ERICH6: variants seen among roughly 807,000 people sequenced by gnomAD.
ERICH6 encodes the protein glutamate-rich protein 6.
A neutral mutation model predicts 71.0 loss-of-function variants in ERICH6; 71 were observed. The ratio of observed to expected loss-of-function variants is 1.00; its 90% CI spans 0.83 to 1.22. The LOEUF (loss-of-function observed/expected upper bound fraction) is 1.22. ERICH6 is among the 50% of genes most tolerant of loss of function. The pLI, the probability that ERICH6 is intolerant of heterozygous loss-of-function variation, is 0.00. For missense variants in ERICH6, 808 were observed against 797.2 expected (o/e 1.01, Z -0.16); for synonymous variants, 262 against 278.4 (o/e 0.94, Z 0.59).
At chr3:150,693,431 G>A (rs191102292) in intron 3 of ERICH6, among the ~76,000 whole-genome samples, 128 of 152,254 alleles carry the variant, frequency 8.4e-4, no homozygotes, top group Admixed American at 1.4e-3. Flanking sequence ...AGTAAAGAAT[G>A]TCACTTTCTG....
At chr3:150,692,358 T>C (rs1036615777) in intron 3 of ERICH6, among the ~76,000 whole-genome samples, 2 of 152,278 alleles carry the variant, frequency 1.3e-5, no homozygotes, top group East Asian at 3.9e-4. Context: ...TTTGGTTAAA[T>C]GAAATGACTT....
chr3:150,685,061 C>G (rs1236670121), intron 6 of ERICH6, among the ~76,000 whole-genome samples: 2 of 152,064 alleles, frequency 1.3e-5, no homozygotes, highest in East Asian at 1.9e-4. Flanking sequence ...CTCTGTCACC[C>G]AGGCTGCTCT....
intron 13 of ERICH6, among the ~76,000 whole-genome samples, chr3:150,665,491 T>A (rs1203934037): frequency 1.7e-5 from 2 of 115,684 alleles, no homozygotes; most frequent in Non-Finnish European, 3.2e-5. Context: ...CACTCCAGCC[T>A]GGCGACGGAG....
rs1713044514 is a variant in ERICH6, at chr3:150,703,740, C to CTCCTCCTCTTCCTCCACCTCT, written c.158_159insAGAGGTGGAGGAAGAGGAGGA (p.Glu49_Val55dup). The CTCCTCCTCTTCCTCCACCTCT allele has an allele frequency of 7.4e-7, 1 of 1,354,430 alleles. No homozygotes were observed. The highest frequency in any genetic ancestry group is 9.9e-7 in the Non-Finnish European group (1 of 1,009,408). 83.9% of individuals were successfully genotyped at this position (1,354,430 alleles called of 1,614,324 possible). A position where few individuals can be genotyped will look rare whatever the true frequency, so the allele number is the denominator to read the frequency against. On this transcript the variant is annotated inframe_insertion, in exon 1 of 14. Transcript: ENST00000295910. ...CCACCAACTCCTCCTCCACCACCTC[C>CTCCTCCTCTTCCTCCACCTCT]TCCTCCTCCTCCTCCACCTCTTCCT... is the stretch of plus-strand genomic sequence containing the variant.
chr3:150,663,531 G>A (rs2108036576), intron 13 of ERICH6, among the ~76,000 whole-genome samples: 1 of 143,800 alleles, frequency 7.0e-6, no homozygotes, highest in East Asian at 2.2e-4. Context: ...CACGGCTCAT[G>A]CAGCCTTGAA....
At chr3:150,681,388 T>C (rs1044131288) in intron 7 of ERICH6, among the ~76,000 whole-genome samples, 9 of 152,254 alleles carry the variant, frequency 5.9e-5, no homozygotes, top group African/African-American at 2.2e-4. Context: ...CATTTCTTTT[T>C]ATGGCTGAAT....
chr3:150,667,893 C>A (rs990370844), intron 12 of ERICH6, among the ~76,000 whole-genome samples: 1 of 152,072 alleles, frequency 6.6e-6, no homozygotes, highest in Non-Finnish European at 1.5e-5. Context: ...CTGTATATAA[C>A]TTAAAGGAAA....
chr3:150,680,314 C>T (rs1711851925), intron 9 of ERICH6, among the ~76,000 whole-genome samples, 154 bp downstream of exon 9: 1 of 152,162 alleles, frequency 6.6e-6, no homozygotes, highest in Non-Finnish European at 1.5e-5. Context: ...GCGATTCTCC[C>T]ACCTTGGCTT....
chr3:150,698,925 GT>G, intron 2 of ERICH6, 43 bp from the exon 3 acceptor site: 1 of 1,255,060 alleles, frequency 8.0e-7, no homozygotes, highest in Non-Finnish European at 1.2e-6. Context: ...CTATATAGTT[GT>G]TAGCAGGTCT....
chr3:150,669,237 A>C, intron 12 of ERICH6, 59 bp downstream of exon 12: 1 of 1,518,362 alleles, frequency 6.6e-7, no homozygotes, highest in Non-Finnish European at 8.8e-7. Context: ...AAAAAGAAAA[A>C]ACAAAATTTC....
At position 150,660,119 on chromosome 3, in the gene ERICH6, C is replaced by G. The variant is rs757432539; in HGVS notation, c.1765G>C (p.Val589Leu). The change falls in exon 14 of 14, where the codon GTA (valine) becomes CTA (leucine). Residue 589 changes from valine to leucine, a missense_variant. Val to Leu is a conservative substitution (Grantham distance 32). Coordinates refer to ENST00000295910, the MANE Select transcript of ERICH6 (RefSeq NM_152394.5). ...AGCAGAAGAAGGTCATCTCCACTTA[C>G]GTATCGGAGGATTGGAATCTCCTCA... ...NPEEIPILRY[V>L]SGDDLLLLAS... 5.6e-6 allele frequency: 9 copies of G among 1,613,828 alleles called. No homozygotes were observed. The highest frequency in any genetic ancestry group is 2.7e-5 in the African/African-American group (2 of 74,864).
rs1047220862 is a variant in ERICH6 at position 150,688,912 on chromosome 3, G to A, written c.554-2558C>T. On this transcript the variant is annotated intron_variant, in intron 3 of 13. Coordinates refer to ENST00000295910, the MANE Select transcript of ERICH6 (RefSeq NM_152394.5). ...TGTCACCAGGACCTCCTGAGGCTGTGTCACAGGTGCGCATCCTCAACCTTG... is the reference window on the plus strand; with the variant it reads ...TGTCACCAGGACCTCCTGAGGCTGTATCACAGGTGCGCATCCTCAACCTTG... Among the ~76,000 whole-genome samples the A allele has an allele frequency of 2.6e-5, 4 of 152,216 alleles. No individual in the cohort carries two copies. In the East Asian group the frequency reaches 7.7e-4, roughly 29 times the overall value.
chr3:150,680,984 G>A, intron 7 of ERICH6, 54 bp from the exon 8 acceptor site: 1 of 1,500,532 alleles, frequency 6.7e-7, no homozygotes, highest in Non-Finnish European at 8.9e-7. Context: ...AGGAGGATTA[G>A]AGGGGATAAA....
rs547307384 is a variant in ERICH6 at position 150,671,673 on chromosome 3, T to C, written c.1344-2222A>G. Among the ~76,000 whole-genome samples, 119 of 152,314 alleles carry C rather than the reference T, an allele frequency of 7.8e-4. 1 individual carries two copies. The South Asian group carries it at 0.022, about 29-fold the overall frequency. On this transcript the variant is annotated intron_variant, in intron 11 of 13. Coordinates refer to ENST00000295910, the MANE Select transcript of ERICH6 (RefSeq NM_152394.5). ...ATAGGGTCTTGCTGTGTTGCCCAGG[T>C]CAGAGTGCAATGGCACGATCACAGC...
Position 150,666,894 on chromosome 3 carries a change from C to T in ERICH6, c.1621G>A (p.Ala541Thr), listed in dbSNP as rs748598903. The T allele has an allele frequency of 6.2e-7, 1 of 1,614,010 alleles. No individual in the cohort carries two copies. The highest frequency in any genetic ancestry group is 8.5e-7 in the Non-Finnish European group (1 of 1,180,008). ...CGGACTCCAATATAACGGTTCAAAG[C>T]CAGAAAGACAGGTTTAAATGAAACA... ...PFVSFKPVFL[A>T]LNRYIGVRIL... The change falls in exon 13 of 14, where the codon GCT becomes ACT. Residue 541 changes from alanine to threonine, a missense_variant. Ala to Thr is a moderately conservative substitution (Grantham distance 58, BLOSUM62 0). Coordinates refer to ENST00000295910, the MANE Select transcript of ERICH6 (RefSeq NM_152394.5).
At chr3:150,686,108 C>A (rs1460014293) in intron 4 of ERICH6, 87 bp from the exon 5 acceptor site, 2 of 1,256,456 alleles carry the variant, frequency 1.6e-6, no homozygotes, top group African/African-American at 3.0e-5. Flanking sequence ...TCACACCCAC[C>A]ATCATCCTCC....
At chr3:150,698,293 G>A (rs1712727433) in intron 3 of ERICH6, among the ~76,000 whole-genome samples, 1 of 152,040 alleles carries the variant, frequency 6.6e-6, no homozygotes, top group African/African-American at 2.4e-5. Context: ...TAGGTGTTTG[G>A]CAAATGTTAG....
Position 150,666,928 on chromosome 3 carries a change from G to A in ERICH6, c.1587C>T (p.Ser529=). The change falls in exon 13 of 14, where the codon TCC becomes TCT. Residue 529 remains serine, a synonymous_variant. Transcript: ENST00000295910. ...RAWNWSNSIT[S]SPFVSFKPVF... ...CAGGTTTAAATGAAACAAAGGGTGA[G>A]GAAGTGATGGAATTTGACCAATTCC... is the stretch of plus-strand genomic sequence containing the variant. The A allele has an allele frequency of 6.2e-7, 1 of 1,614,118 alleles. No homozygotes were observed. Among genetic ancestry groups the A allele is most frequent in the Non-Finnish European group, 8.5e-7 (1 of 1,180,032 alleles).
intron 12 of ERICH6, among the ~76,000 whole-genome samples, chr3:150,667,790 T>C (rs1727478926): frequency 6.6e-6 from 1 of 152,180 alleles, no homozygotes; most frequent in South Asian, 2.1e-4. Context: ...GAAAGTTGGC[T>C]TAATTTGATA....
Sources: allele counts gnomAD v4.1 joint callset (sites outside exome capture counted in the v4.1 genomes callset), GRCh38; gene constraint gnomAD v4.1.1; transcripts MANE v1.5; gene names NCBI Gene and HGNC (gene_info 2026-07-23, HGNC 2026-07-21).